HS3ST2: variants seen among roughly 807,000 people sequenced by gnomAD.
HS3ST2 encodes heparan sulfate-glucosamine 3-sulfotransferase 2.
A neutral mutation model predicts 26.3 loss-of-function variants in HS3ST2; 17 were observed. The observed-to-expected ratio is 0.65, with a 90% confidence interval of 0.44 to 0.97. HS3ST2 has a LOEUF of 0.97. Ranked by LOEUF, HS3ST2 falls within the 50% of genes least tolerant of loss-of-function variation. HS3ST2 has a pLI of 0.00. For synonymous variants in HS3ST2, 237 were observed against 219.2 expected (o/e 1.08, Z -0.72); for missense variants, 402 against 501.2 (o/e 0.80, Z 1.89).
Position 22,814,751 on chromosome 16 carries a change from C to T in HS3ST2, c.141C>T (p.Ser47=). 6.2e-7 allele frequency: 1 copy of T among 1,607,836 alleles called. No homozygotes were observed. The highest frequency in any genetic ancestry group is 8.5e-7 in the Non-Finnish European group (1 of 1,178,128). The change falls in exon 1 of 2, where the codon AGC becomes AGT. Residue 47 remains serine, a synonymous_variant. Transcript: ENST00000261374. ...GCTGCTGCGACGACCTGGGTCGGAG[C>T]CGCCTCCTCGGCGCGCCTCGCTGCC... The part of the protein sequence containing the change: ...FLCCCDDLGR[S]RLLGAPRCLR...
At chr16:22,860,767 A>G (rs1037861225) in intron 1 of HS3ST2, among the ~76,000 whole-genome samples, 16 of 151,824 alleles carry the variant, frequency 1.1e-4, no homozygotes, top group Non-Finnish European at 2.4e-4. Flanking sequence ...AATATAAAAT[A>G]TCATACATAT....
At chr16:22,825,022 G>A (rs780540246) in intron 1 of HS3ST2, among the ~76,000 whole-genome samples, 25 of 152,178 alleles carry the variant, frequency 1.6e-4, no homozygotes, top group East Asian at 3.9e-4. Flanking sequence ...AGAGAAGCCC[G>A]GATTCCAAGC....
intron 1 of HS3ST2, among the ~76,000 whole-genome samples, chr16:22,876,720 G>T (rs769673938): frequency 3.9e-5 from 6 of 152,114 alleles, no homozygotes; most frequent in Non-Finnish European, 8.8e-5. Flanking sequence ...AAAAAATATG[G>T]ATCCAGCCCA....
intron 1 of HS3ST2, among the ~76,000 whole-genome samples, chr16:22,871,568 A>G (rs1017623476): frequency 6.6e-6 from 1 of 152,196 alleles, no homozygotes; most frequent in Non-Finnish European, 1.5e-5. Flanking sequence ...ACAATCATCT[A>G]TACTTTGTTA....
Position 22,815,001 on chromosome 16 carries a change from C to T in HS3ST2, c.391C>T (p.Leu131=). Residue 131 remains leucine, a synonymous_variant, in exon 1 of 2, where the codon CTG becomes TTG. Coordinates refer to ENST00000261374, the MANE Select transcript of HS3ST2 (RefSeq NM_006043.2). ...GAAGAAGGGGGGCACCCGGGCCGTG[C>T]TGGAGTTTATCCGAGTACACCCGGA... ...GVKKGGTRAV[L]EFIRVHPDVR... is the part of the protein sequence containing the mutation. 1 of 1,613,170 alleles carries T rather than the reference C, an allele frequency of 6.2e-7. No homozygotes were observed. Among genetic ancestry groups the T allele is most frequent in the South Asian group, 1.1e-5 (1 of 91,074 alleles).
chr16:22,839,627 T>G (rs1461774351), intron 1 of HS3ST2, among the ~76,000 whole-genome samples: 2 of 152,116 alleles, frequency 1.3e-5, no homozygotes, highest in African/African-American at 4.8e-5. Context: ...CTTTTTTTTT[T>G]GTTTTTGAGA....
At chr16:22,874,276 T>C (rs1388741135) in intron 1 of HS3ST2, among the ~76,000 whole-genome samples, 2 of 152,212 alleles carry the variant, frequency 1.3e-5, no homozygotes, top group Non-Finnish European at 2.9e-5. Context: ...AAAGACTATT[T>C]AATAATCTAC....
chr16:22,844,915 C>T (rs915513937), intron 1 of HS3ST2, among the ~76,000 whole-genome samples: 2 of 150,116 alleles, frequency 1.3e-5, no homozygotes, highest in Non-Finnish European at 3.0e-5. Context: ...AGTGCAGTGG[C>T]GTGATCTCAG....
At chr16:22,841,729 C>T (rs901879128) in intron 1 of HS3ST2, among the ~76,000 whole-genome samples, 4 of 152,118 alleles carry the variant, frequency 2.6e-5, no homozygotes, top group African/African-American at 9.7e-5. Context: ...TCCTAATTCC[C>T]CTGCTTACTA....
chr16:22,823,018 C>A (rs1399829600), intron 1 of HS3ST2, among the ~76,000 whole-genome samples: 1 of 152,086 alleles, frequency 6.6e-6, no homozygotes, highest in African/African-American at 2.4e-5. Flanking sequence ...TTTTGTGTAT[C>A]TTTCTAAAGA....
At chr16:22,877,036 C>T (rs967887796) in intron 1 of HS3ST2, among the ~76,000 whole-genome samples, 8 of 152,168 alleles carry the variant, frequency 5.3e-5, no homozygotes, top group African/African-American at 1.9e-4. Flanking sequence ...GTGTACACTG[C>T]TTGGGTGACA....
Position 22,818,757 on chromosome 16 carries a change from CTTCA to C in HS3ST2, c.485+3666_485+3669del, listed in dbSNP as rs1341675467. Among the ~76,000 whole-genome samples the C allele has an allele frequency of 6.0e-4, 28 of 46,662 alleles. 1 individual carries two copies. Among genetic ancestry groups the C allele is most frequent in the African/African-American group, 2.8e-3 (21 of 7,512 alleles). The allele number at this position is 46,662 out of a possible 152,430, so 30.6% of individuals were successfully genotyped here. ...CCTCCTTCCCTTCCTTCCTTCCTTC[CTTCA>C]TTCCTTCCTTCCCTCCTTCCTTCCT... On this transcript the variant is annotated intron_variant, in intron 1 of 1. Transcript: ENST00000261374.
At chr16:22,905,987 G>A (rs1409430159) in intron 1 of HS3ST2, among the ~76,000 whole-genome samples, 3 of 152,108 alleles carry the variant, frequency 2.0e-5, no homozygotes, top group African/African-American at 7.2e-5. Context: ...ATGAGCAATT[G>A]TATTAAAGGA....
chr16:22,849,995 G>A (rs931590174), intron 1 of HS3ST2, among the ~76,000 whole-genome samples: 9 of 152,022 alleles, frequency 5.9e-5, no homozygotes, highest in African/African-American at 2.2e-4. Context: ...CCTGGGGCTG[G>A]GTATGGGAGT....
In HS3ST2 at chr16:22,915,315, G is replaced by T; in HGVS notation, c.857G>T (p.Gly286Val). The T allele has an allele frequency of 6.2e-7, 1 of 1,614,060 alleles. No homozygotes were observed. Among genetic ancestry groups the T allele is most frequent in the East Asian group, 2.2e-5 (1 of 44,858 alleles). Residue 286 changes from glycine (G) to valine (V), a missense_variant, in exon 2 of 2, where the codon GGG (glycine) becomes GTG (valine). Around this residue, in one of 2 missense-constraint regions of HS3ST2, gnomAD observed 237 missense variants for 346.6 expected, o/e 0.68. Coordinates refer to ENST00000261374, the MANE Select transcript of HS3ST2 (RefSeq NM_006043.2). ...RLITDPAGEMGRVQDFLGIKR... is the reference protein window; with the variant it reads ...RLITDPAGEMVRVQDFLGIKR... Reference sequence around the variant, plus strand: ...ATCACTGACCCGGCCGGCGAGATGGGGCGAGTCCAGGACTTCCTGGGCATT... The same window carrying T: ...ATCACTGACCCGGCCGGCGAGATGGTGCGAGTCCAGGACTTCCTGGGCATT...
intron 1 of HS3ST2, among the ~76,000 whole-genome samples, chr16:22,871,825 C>T (rs1414327913): frequency 6.6e-6 from 1 of 152,188 alleles, no homozygotes; most frequent in Non-Finnish European, 1.5e-5. Flanking sequence ...AGCAGTAACA[C>T]CTTTTGGGTT....
At chr16:22,890,911 T>G (rs2141200676) in intron 1 of HS3ST2, among the ~76,000 whole-genome samples, 1 of 152,328 alleles carries the variant, frequency 6.6e-6, no homozygotes, top group African/African-American at 2.4e-5. Flanking sequence ...ATTCAGCAAC[T>G]GACTGGAGGC....
chr16:22,900,137 G>A (rs186552653), intron 1 of HS3ST2, among the ~76,000 whole-genome samples: 1 of 152,310 alleles, frequency 6.6e-6, no homozygotes, highest in Non-Finnish European at 1.5e-5. Context: ...CATTCTCTCT[G>A]GAGGTGGTGG....
At position 22,814,864 on chromosome 16, in the gene HS3ST2, C is replaced by G; in HGVS notation, c.254C>G (p.Ala85Gly). The G allele has an allele frequency of 6.4e-7, 1 of 1,560,064 alleles. No individual in the cohort carries two copies. The highest frequency in any genetic ancestry group is 8.7e-7 in the Non-Finnish European group (1 of 1,153,048). ...PSGPTPSEPS[A>G]PSAPAAAVPA... ...GGGCCGACGCCCAGCGAGCCCAGCG[C>G]TCCCAGCGCGCCCGCCGCCGCCGTG... is the stretch of plus-strand genomic sequence containing the variant. The change falls in exon 1 of 2, where the codon GCT (alanine) becomes GGT (glycine). Residue 85 changes from alanine (A) to glycine (G), a missense_variant. Physicochemically the swap from Ala to Gly is moderately conservative, Grantham distance 60 (BLOSUM62 0). This residue lies in a region of HS3ST2 where 165 missense variants were observed against 154.6 expected (regional missense o/e 1.07). Transcript: ENST00000261374.
Sources: allele counts gnomAD v4.1 joint callset (sites outside exome capture counted in the v4.1 genomes callset), GRCh38; gene constraint gnomAD v4.1.1; regional missense constraint gnomAD v4.1.1; transcripts MANE v1.5; gene names NCBI Gene and HGNC (gene_info 2026-07-23, HGNC 2026-07-21).